The following NFU1 variants were observed in gnomAD, a reference collection of about 807,000 sequenced individuals.
The protein encoded by NFU1 is NFU1 iron-sulfur cluster scaffold homolog, mitochondrial.
In NFU1, 30 loss-of-function variants were observed where a neutral mutation model predicts 32.2. The observed-to-expected ratio is 0.93, with a 90% confidence interval of 0.70 to 1.26. NFU1 has a LOEUF of 1.26. NFU1 is among the 50% of genes most tolerant of loss of function. The pLI is 0.00. For missense variants in NFU1, 306 were observed against 306.6 expected, an observed-to-expected ratio of 1.00 and a Z score of 0.02; for synonymous variants, 112 against 104.6, an observed-to-expected ratio of 1.07 and a Z score of -0.43.
intron 2 of NFU1, among the ~76,000 whole-genome samples, chr2:69,424,198 A>AAAATAT (rs1558840147): frequency 4.0e-5 from 3 of 74,542 alleles, no homozygotes; most frequent in Admixed American, 2.1e-4. Context: ...AAAAAAAAAA[A>AAAATAT]ATATATATAT....
At chr2:69,402,178 A>C (rs539612296) in intron 6 of NFU1, among the ~76,000 whole-genome samples, 1 of 152,206 alleles carries the variant, frequency 6.6e-6, no homozygotes, top group Non-Finnish European at 1.5e-5. Flanking sequence ...TATGGGTGTC[A>C]GCCACTGCGC....
intron 5 of NFU1, among the ~76,000 whole-genome samples, chr2:69,412,851 C>A: frequency 9.5e-6 from 1 of 105,020 alleles, no homozygotes; most frequent in African/African-American, 5.0e-5. Flanking sequence ...GAGCAGGTCA[C>A]TGTCTCAAAA....
intron 3 of NFU1, among the ~76,000 whole-genome samples, chr2:69,423,290 ATG>A (rs1277149858): frequency 3.0e-5 from 2 of 66,312 alleles, no homozygotes; most frequent in African/African-American, 5.7e-5. Flanking sequence ...GTGTGTGTGT[ATG>A]TGTGTGTGGT....
chr2:69,399,203 C>T (rs1672432555), intron 7 of NFU1: 3 of 308,820 alleles, frequency 9.7e-6, no homozygotes, highest in African/African-American at 4.9e-5. Flanking sequence ...GAACAAGATT[C>T]TGTCTCCAAA....
At chr2:69,400,626 A>T in intron 6 of NFU1, 88 bp from the exon 7 acceptor site, 2 of 1,124,482 alleles carry the variant, frequency 1.8e-6, no homozygotes, top group Non-Finnish European at 2.6e-6. Flanking sequence ...CTTAAATTTT[A>T]TATTAGTAAA....
At chr2:69,434,910 T>C (rs1027747775) in intron 1 of NFU1, among the ~76,000 whole-genome samples, 2 of 152,104 alleles carry the variant, frequency 1.3e-5, no homozygotes, top group East Asian at 1.9e-4. Flanking sequence ...GATGCAATCA[T>C]AGGGGTGCGG....
intron 3 of NFU1, among the ~76,000 whole-genome samples, chr2:69,423,344 T>C (rs1673329984): frequency 6.6e-6 from 1 of 150,920 alleles, no homozygotes; most frequent in Non-Finnish European, 1.5e-5. Flanking sequence ...GGTCTCAAAC[T>C]CCTGGACTCA....
chr2:69,433,741 G>A (rs1467285735), intron 1 of NFU1, among the ~76,000 whole-genome samples: 1 of 152,160 alleles, frequency 6.6e-6, no homozygotes, highest in Admixed American at 6.5e-5. Flanking sequence ...CTCCCAAAAT[G>A]CTGGGATTAC....
At chr2:69,438,285 C>G (rs973029412), upstream of NFU1, among the ~76,000 whole-genome samples, 3 of 150,822 alleles carry the variant, frequency 2.0e-5, no homozygotes, top group Non-Finnish European at 2.9e-5. Flanking sequence ...CAGGGTCTAT[C>G]TCTGTTGCCC....
intron 2 of NFU1, among the ~76,000 whole-genome samples, chr2:69,430,992 C>T (rs766448151): frequency 6.6e-6 from 1 of 152,220 alleles, no homozygotes; most frequent in South Asian, 2.1e-4. Flanking sequence ...CATACCCTCT[C>T]CCCTTAAACT....
At chr2:69,434,860 G>C (rs1045993273) in intron 1 of NFU1, among the ~76,000 whole-genome samples, 1 of 152,222 alleles carries the variant, frequency 6.6e-6, no homozygotes, top group East Asian at 1.9e-4. Context: ...TTCAAGGATA[G>C]ACTGGCAGGC....
chr2:69,396,601 C>T (rs1323233786), intron 7 of NFU1, among the ~76,000 whole-genome samples: 4 of 151,502 alleles, frequency 2.6e-5, no homozygotes, highest in Non-Finnish European at 4.4e-5. Flanking sequence ...TGCAGTGAGC[C>T]GAGATCGCGC....
At chr2:69,416,271 T>C (rs1264596549) in intron 4 of NFU1, 1 of 148,986 alleles carries the variant, frequency 6.7e-6, no homozygotes, top group Non-Finnish European at 1.5e-5. Context: ...CCCCCATTCA[T>C]TAATTCATTC....
upstream of NFU1, chr2:69,437,547 G>T: frequency 8.6e-7 from 1 of 1,164,674 alleles, no homozygotes; most frequent in Non-Finnish European, 1.2e-6. Flanking sequence ...CGGTCCTGCT[G>T]CGGATAAGTG....
intron 4 of NFU1, among the ~76,000 whole-genome samples, chr2:69,418,354 C>T (rs930124725): frequency 1.3e-5 from 2 of 152,078 alleles, no homozygotes; most frequent in African/African-American, 4.8e-5. Flanking sequence ...GAGCTGAGAT[C>T]ATGCCACTGC....
At chr2:69,435,992 G>A (rs533184791) in intron 1 of NFU1, among the ~76,000 whole-genome samples, 51 of 149,942 alleles carry the variant, frequency 3.4e-4, no homozygotes, top group Non-Finnish European at 6.9e-4. Context: ...AATCCGCCCA[G>A]CTTGACCTCT....
At chr2:69,413,927 A>G (rs983705010) in intron 5 of NFU1, among the ~76,000 whole-genome samples, 1 of 151,704 alleles carries the variant, frequency 6.6e-6, no homozygotes, top group Non-Finnish European at 1.5e-5. Context: ...GGCGCCTGTA[A>G]TACCAGCTAC....
At chr2:69,412,285 G>A (rs1335279535) in intron 5 of NFU1, among the ~76,000 whole-genome samples, 3 of 151,914 alleles carry the variant, frequency 2.0e-5, no homozygotes, top group African/African-American at 4.8e-5. Context: ...TCTTAACCTC[G>A]TGATCTGCCC....
chr2:69,400,861 G>A (rs1672501511), intron 6 of NFU1, among the ~76,000 whole-genome samples: 1 of 152,142 alleles, frequency 6.6e-6, no homozygotes, highest in Non-Finnish European at 1.5e-5. Context: ...AAGGTAGGAG[G>A]ACTGCTTGAG....
Sources: gnomAD v4.1 joint callset for allele counts (sites outside exome capture counted in the v4.1 genomes callset) on GRCh38, gnomAD v4.1.1 for gene constraint, MANE v1.5 for transcripts, NCBI Gene and HGNC (gene_info 2026-07-23, HGNC 2026-07-21) for gene names.